NICOL1: variants seen among roughly 807,000 people sequenced by gnomAD.
NICOL1 encodes the protein NELL2-interacting cell ontogeny regulator 1.
the NICOL1 span, among the ~76,000 whole-genome samples, chr4:2,041,468 G>C: frequency 6.6e-6 from 1 of 152,198 alleles, no homozygotes; most frequent in Non-Finnish European, 1.5e-5. Flanking sequence ...CCCTGGGTTG[G>C]GGGTGGGTAG....
At chr4:2,042,561 G>A in the NICOL1 span, 3 of 477,596 alleles carry the variant, frequency 6.3e-6, no homozygotes, top group Middle Eastern at 5.6e-4. Context: ...GCTCTGCGGG[G>A]AGGACCGCGC....
the NICOL1 span, among the ~76,000 whole-genome samples, chr4:2,038,237 GTATA>G: frequency 0.057 from 5,160 of 90,076 alleles, 158 homozygotes; most frequent in South Asian, 0.087. Context: ...TGATCAGTGT[GTATA>G]TATATATATA....
the NICOL1 span, among the ~76,000 whole-genome samples, chr4:2,038,237 G>GTGTGTATATA: frequency 6.8e-4 from 62 of 91,464 alleles, no homozygotes; most frequent in African/African-American, 2.1e-3. Context: ...TGATCAGTGT[G>GTGTGTATATA]TATATATATA....
the NICOL1 span, chr4:2,042,330 G>A: frequency 3.5e-6 from 2 of 572,816 alleles, no homozygotes; most frequent in Non-Finnish European, 5.6e-6. Context: ...GCTTCAGGGC[G>A]GCCCCGCTCC....
the NICOL1 span, chr4:2,042,849 C>G: frequency 2.1e-6 from 3 of 1,453,842 alleles, no homozygotes; most frequent in South Asian, 4.0e-5. Context: ...CGCGACGGTC[C>G]TCCCGGGCTT....
the NICOL1 span, among the ~76,000 whole-genome samples, chr4:2,038,354 C>A: frequency 6.7e-6 from 1 of 148,748 alleles, no homozygotes; most frequent in Non-Finnish European, 1.5e-5. Context: ...GTGGCACGAC[C>A]ATGACTCACT....
chr4:2,042,732 G>T, the NICOL1 span: 2 of 1,490,466 alleles, frequency 1.3e-6, no homozygotes, highest in Non-Finnish European at 1.8e-6. Flanking sequence ...CGCGCCCCCC[G>T]CAGGCCGCCC....
At chr4:2,041,160 G>GGGC in the NICOL1 span, among the ~76,000 whole-genome samples, 26 of 138,038 alleles carry the variant, frequency 1.9e-4, no homozygotes, top group East Asian at 2.7e-3. Flanking sequence ...TGGGGGGGGA[G>GGGC]CGGGGGCGCC....
At chr4:2,043,889 G>A in the NICOL1 span, 33 of 1,549,510 alleles carry the variant, frequency 2.1e-5, no homozygotes, top group Non-Finnish European at 2.8e-5. Context: ...CAGGCAGAGC[G>A]CCGTGCCCTG....
At chr4:2,043,941 C>T in the NICOL1 span, 118 of 1,537,928 alleles carry the variant, frequency 7.7e-5, no homozygotes, top group Non-Finnish European at 9.8e-5. Context: ...CACGCTGCTC[C>T]GTGTGAATAA....
chr4:2,039,697 G>T, the NICOL1 span, among the ~76,000 whole-genome samples: 1 of 151,924 alleles, frequency 6.6e-6, no homozygotes, highest in African/African-American at 2.4e-5. Context: ...AAAATTAGCC[G>T]GGTGTGGTGG....
At chr4:2,040,787 C>T in the NICOL1 span, among the ~76,000 whole-genome samples, 1 of 152,194 alleles carries the variant, frequency 6.6e-6, no homozygotes, top group Non-Finnish European at 1.5e-5. Flanking sequence ...CCCCGAAGCC[C>T]GGCGTCGGCC....
the NICOL1 span, among the ~76,000 whole-genome samples, chr4:2,038,273 ATATATATATAT>A: frequency 2.3e-5 from 2 of 86,092 alleles, no homozygotes; most frequent in Non-Finnish European, 4.7e-5. Flanking sequence ...ATATATATAT[ATATATATATAT>A]AAAATTAAAA....
chr4:2,036,581 G>A, the NICOL1 span, among the ~76,000 whole-genome samples: 1 of 152,282 alleles, frequency 6.6e-6, no homozygotes, highest in East Asian at 1.9e-4. Flanking sequence ...CAGTGTTGAC[G>A]GAAGCTGAAG....
At chr4:2,043,933 C>T in the NICOL1 span, 32 of 1,543,658 alleles carry the variant, frequency 2.1e-5, no homozygotes, top group African/African-American at 1.6e-4. Context: ...CTGAGGACCA[C>T]GCTGCTCCGT....
At chr4:2,036,645 GAGA>G in the NICOL1 span, among the ~76,000 whole-genome samples, 1 of 152,166 alleles carries the variant, frequency 6.6e-6, no homozygotes, top group African/African-American at 2.4e-5. Context: ...GGACAGCGTG[GAGA>G]AGAAATCCTC....
At chr4:2,040,053 C>T in the NICOL1 span, among the ~76,000 whole-genome samples, 4 of 151,638 alleles carry the variant, frequency 2.6e-5, no homozygotes, top group Non-Finnish European at 5.9e-5. Flanking sequence ...GAGAGAGAGA[C>T]AGAGATGAAG....
the NICOL1 span, chr4:2,041,672 G>T: frequency 6.6e-6 from 2 of 303,052 alleles, no homozygotes; most frequent in Non-Finnish European, 1.2e-5. Context: ...GCAGCTCCCC[G>T]CGCCTCGCGA....
the NICOL1 span, chr4:2,042,241 A>G: frequency 2.8e-6 from 2 of 706,322 alleles, no homozygotes; most frequent in Non-Finnish European, 1.8e-6. Flanking sequence ...GGCTTGGACA[A>G]GGGTCGTGGG....
Sources: allele counts gnomAD v4.1 joint callset (sites outside exome capture counted in the v4.1 genomes callset), GRCh38; gene constraint gnomAD v4.1.1; transcripts MANE v1.5; gene names NCBI Gene and HGNC (gene_info 2026-07-23, HGNC 2026-07-21).